RALYL: variants seen among roughly 807,000 people sequenced by gnomAD.
The protein encoded by RALYL is RALY RNA binding protein like.
Under a neutral mutation model 35.1 loss-of-function variants are expected in RALYL, and 29 were observed. That is an observed-to-expected ratio of 0.83 (90% CI 0.61 to 1.13). The LOEUF (loss-of-function observed/expected upper bound fraction) is 1.13. Ranked by LOEUF, RALYL falls within the 50% of genes most tolerant of loss-of-function variation. The probability of loss-of-function intolerance (pLI) is 0.00; values close to 1 mark genes in which losing one functional copy is unlikely to be tolerated. For synonymous variants in RALYL, 120 were observed against 127.6 expected (o/e 0.94, Z 0.40); for missense variants, 359 against 360.4 (o/e 1.00, Z 0.03).
At position 84,183,908 on chromosome 8, in the gene RALYL, A is replaced by C. The variant is rs961936160; in HGVS notation, c.-540A>C. 3 of 152,608 alleles carry C rather than the reference A, an allele frequency of 2.0e-5. No homozygotes were observed. Among genetic ancestry groups the C allele is most frequent in the African/African-American group, 7.2e-5 (3 of 41,460 alleles). 9.5% of individuals were successfully genotyped at this position (152,608 alleles called of 1,614,324 possible). On this transcript the variant is annotated 5_prime_UTR_variant, in exon 1 of 9. Coordinates refer to ENST00000521268, the MANE Select transcript of RALYL (RefSeq NM_173848.7). ...GCCTATTTTTTTCCTTTGTAAAAAT[A>C]AAAAGCATGTTTCTAACTCTTTTTT...
At chr8:84,634,761 G>A (rs140678812) in intron 2 of RALYL, among the ~76,000 whole-genome samples, 2 of 151,876 alleles carry the variant, frequency 1.3e-5, no homozygotes, top group East Asian at 1.9e-4. Flanking sequence ...GTGTCCCAGA[G>A]AGAAAGAGAA....
chr8:84,220,863 T>C (rs1822035734), intron 1 of RALYL, among the ~76,000 whole-genome samples: 1 of 151,958 alleles, frequency 6.6e-6, no homozygotes, highest in Admixed American at 6.6e-5. Context: ...TTTTATCATA[T>C]ATATTTACTT....
At chr8:84,783,374 C>T (rs890397516) in intron 3 of RALYL, among the ~76,000 whole-genome samples, 1 of 152,150 alleles carries the variant, frequency 6.6e-6, no homozygotes, top group African/African-American at 2.4e-5. Context: ...ACCTAAGAGA[C>T]TGAAGACCGA....
At chr8:84,604,511 C>A (rs1842962) in intron 2 of RALYL, among the ~76,000 whole-genome samples, 42,089 of 152,010 alleles carry the variant, frequency 0.28, 6,397 homozygotes, top group African/African-American at 0.39. Flanking sequence ...CTGCTGCTGC[C>A]GGCAGGGTGG....
intron 2 of RALYL, among the ~76,000 whole-genome samples, chr8:84,536,392 T>C (rs2059608688): frequency 6.6e-6 from 1 of 152,350 alleles, no homozygotes; most frequent in East Asian, 1.9e-4. Context: ...GTTGATGTTG[T>C]CTCTAACAAA....
At chr8:84,898,051 G>A (rs1845049549) in intron 8 of RALYL, among the ~76,000 whole-genome samples, 1 of 152,190 alleles carries the variant, frequency 6.6e-6, no homozygotes, top group Admixed American at 6.6e-5. Context: ...CATTCCGCAT[G>A]GAAAGAACAG....
intron 2 of RALYL, among the ~76,000 whole-genome samples, chr8:84,743,467 G>T (rs892893912): frequency 1.3e-5 from 2 of 151,894 alleles, no homozygotes; most frequent in African/African-American, 4.8e-5. Flanking sequence ...TTATGGAGAC[G>T]CTGTCAATTT....
At chr8:84,568,114 A>G (rs1038941356) in intron 2 of RALYL, among the ~76,000 whole-genome samples, 8 of 151,204 alleles carry the variant, frequency 5.3e-5, no homozygotes, top group Non-Finnish European at 1.0e-4. Context: ...TTTGTTACAT[A>G]TGTATACATG....
chr8:84,746,143 G>T (rs1236307497), intron 2 of RALYL, among the ~76,000 whole-genome samples: 1 of 151,920 alleles, frequency 6.6e-6, no homozygotes. Flanking sequence ...ATAACAATTT[G>T]AATTCTCTCC....
At chr8:84,336,282 T>C (rs1217135217) in intron 1 of RALYL, among the ~76,000 whole-genome samples, 4 of 152,152 alleles carry the variant, frequency 2.6e-5, no homozygotes, top group Non-Finnish European at 5.9e-5. Context: ...AGACGGTTTT[T>C]CACTTCTAGA....
intron 1 of RALYL, among the ~76,000 whole-genome samples, chr8:84,471,655 A>G (rs934088559): frequency 1.3e-5 from 2 of 152,214 alleles, no homozygotes; most frequent in Non-Finnish European, 2.9e-5. Flanking sequence ...ATGAAAATAA[A>G]CAAATAAGCA....
intron 4 of RALYL, among the ~76,000 whole-genome samples, chr8:84,815,403 A>G (rs1157689941): frequency 1.4e-5 from 2 of 148,024 alleles, no homozygotes; most frequent in African/African-American, 2.4e-5. Context: ...GTATTTATAT[A>G]TTTACTATTT....
intron 2 of RALYL, among the ~76,000 whole-genome samples, chr8:84,637,734 A>G (rs10094897): frequency 0.2 from 29,710 of 151,650 alleles, 3,147 homozygotes; most frequent in Non-Finnish European, 0.23. Context: ...TTATCTCAAC[A>G]ATAGCTGGGT....
chr8:84,392,502 G>T (rs1860921835), intron 1 of RALYL, among the ~76,000 whole-genome samples: 2 of 151,964 alleles, frequency 1.3e-5, no homozygotes, highest in Non-Finnish European at 2.9e-5. Flanking sequence ...TGCATTTGCA[G>T]CACAAATCCA....
At chr8:84,254,442 A>G (rs1324127650) in intron 1 of RALYL, among the ~76,000 whole-genome samples, 1 of 152,076 alleles carries the variant, frequency 6.6e-6, no homozygotes, top group Non-Finnish European at 1.5e-5. Flanking sequence ...CTGTTCTATA[A>G]AAGTCTGTGG....
intron 1 of RALYL, chr8:84,184,761 A>T: frequency 5.0e-6 from 2 of 398,264 alleles, no homozygotes; most frequent in Non-Finnish European, 4.4e-6. Context: ...CGGGCCCTGT[A>T]AGTTCTCCGA....
chr8:84,392,025 T>C (rs1355080716), intron 1 of RALYL, among the ~76,000 whole-genome samples: 3 of 152,024 alleles, frequency 2.0e-5, no homozygotes, highest in Non-Finnish European at 4.4e-5. Flanking sequence ...AGCGGGCTGA[T>C]TGAGTGAGAG....
At chr8:84,509,834 A>G (rs1489662357) in intron 1 of RALYL, among the ~76,000 whole-genome samples, 1 of 152,106 alleles carries the variant, frequency 6.6e-6, no homozygotes, top group African/African-American at 2.4e-5. Context: ...CTGTGTTCAT[A>G]TGGGTGTATT....
At chr8:84,868,461 G>A (rs1285382796) in intron 6 of RALYL, among the ~76,000 whole-genome samples, 1 of 152,126 alleles carries the variant, frequency 6.6e-6, no homozygotes, top group East Asian at 1.9e-4. Flanking sequence ...CTAAAGCACT[G>A]GGATTAGAGG....
Sources: gnomAD v4.1 joint callset for allele counts (sites outside exome capture counted in the v4.1 genomes callset) on GRCh38, gnomAD v4.1.1 for gene constraint, MANE v1.5 for transcripts, NCBI Gene and HGNC (gene_info 2026-07-23, HGNC 2026-07-21) for gene names.